C8B: variants seen among roughly 807,000 people sequenced by gnomAD.
C8B encodes the protein complement component C8 beta chain.
C8B carries 67 observed loss-of-function variants against 64.6 expected under a neutral mutation model. The ratio of observed to expected loss-of-function variants is 1.04; its 90% CI spans 0.85 to 1.27. The LOEUF (loss-of-function observed/expected upper bound fraction) is 1.27. Among genes scored for constraint, C8B ranks in the 50% most tolerant of loss-of-function variants. The pLI is 0.00. For missense variants in C8B, 790 were observed against 725.2 expected (o/e 1.09, Z -1.03); for synonymous variants, 284 against 257.7 (o/e 1.10, Z -0.98).
chr1:56,931,724 G>T, intron 11 of C8B, 86 bp downstream of exon 11: 2 of 874,350 alleles, frequency 2.3e-6, no homozygotes, highest in Non-Finnish European at 3.8e-6. Flanking sequence ...CTAGTATCCA[G>T]CCCCACACTC....
At chr1:56,932,452 C>G (rs1379744092) in intron 10 of C8B, among the ~76,000 whole-genome samples, 1 of 152,212 alleles carries the variant, frequency 6.6e-6, no homozygotes, top group Admixed American at 6.5e-5. Flanking sequence ...CACCTTCACT[C>G]TATAGCCTCA....
At chr1:56,935,437 C>T (rs9661996) in intron 9 of C8B, among the ~76,000 whole-genome samples, 9 of 152,036 alleles carry the variant, frequency 5.9e-5, no homozygotes, top group Non-Finnish European at 1.3e-4. Context: ...CCCAAATACA[C>T]AGTTCTAACC....
At chr1:56,936,863 G>A (rs563751108) in intron 9 of C8B, among the ~76,000 whole-genome samples, 4 of 152,070 alleles carry the variant, frequency 2.6e-5, no homozygotes, top group Admixed American at 2.6e-4. Context: ...ACAGTGCTGG[G>A]ATTACAGGTG....
chr1:56,955,823 G>A (rs1039422514), intron 3 of C8B, among the ~76,000 whole-genome samples: 1 of 152,172 alleles, frequency 6.6e-6, no homozygotes, highest in Non-Finnish European at 1.5e-5. Context: ...GTCCACATGG[G>A]TACAGTAAAT....
intron 4 of C8B, among the ~76,000 whole-genome samples, chr1:56,954,403 C>T (rs142321498): frequency 6.6e-6 from 1 of 152,316 alleles, no homozygotes; most frequent in African/African-American, 2.4e-5. Context: ...CCCTCCCTAC[C>T]CCAGCCCTTG....
intron 9 of C8B, among the ~76,000 whole-genome samples, chr1:56,936,410 A>G (rs1221540440): frequency 4.0e-5 from 6 of 151,854 alleles, no homozygotes; most frequent in East Asian, 1.9e-4. Flanking sequence ...GAAGTTAAAC[A>G]TTTTGCATCT....
chr1:56,954,857 C>G, intron 3 of C8B, 30 bp from the exon 4 acceptor site: 1 of 1,614,020 alleles, frequency 6.2e-7, no homozygotes, highest in African/African-American at 1.3e-5. Flanking sequence ...TTACCCACAG[C>G]CACATGGTTG....
At chr1:56,953,129 G>T (rs1353653361) in intron 4 of C8B, among the ~76,000 whole-genome samples, 3 of 152,166 alleles carry the variant, frequency 2.0e-5, no homozygotes, top group African/African-American at 4.8e-5. Context: ...GAGAGGAAAA[G>T]AATCCAGCCC....
rs1464607277 is a variant in C8B at position 56,933,350 on chromosome 1, C to A, written c.1537G>T (p.Val513Phe). ...CHCAPCQGNG[V>F]PVLKGSRCDC... ...AAAGTGGTACCTTTCAGGACAGGGA[C>A]TCCATTTCCTTGGCAGGGAGCACAG... The change falls in exon 10 of 12, where the codon GTC (valine) becomes TTC (phenylalanine). Residue 513 changes from valine (V) to phenylalanine (F), a missense_variant. Physicochemically the swap from Val to Phe is conservative, Grantham distance 50 (BLOSUM62 -1). Coordinates refer to ENST00000371237, the MANE Select transcript of C8B (RefSeq NM_000066.4). The A allele has an allele frequency of 6.2e-7, 1 of 1,613,800 alleles. No individual in the cohort carries two copies. Among genetic ancestry groups the A allele is most frequent in the Non-Finnish European group, 8.5e-7 (1 of 1,179,716 alleles).
At chr1:56,964,234 C>A (rs1354064255) in intron 1 of C8B, among the ~76,000 whole-genome samples, 1 of 152,194 alleles carries the variant, frequency 6.6e-6, no homozygotes, top group East Asian at 1.9e-4. Flanking sequence ...CCACTCCCTA[C>A]CTCAGAGTGA....
chr1:56,954,910 A>G, intron 3 of C8B, 83 bp from the exon 4 acceptor site: 1 of 1,537,682 alleles, frequency 6.5e-7, no homozygotes. Flanking sequence ...ACCAAGTGCC[A>G]GACCTTTTGT....
chr1:56,944,157 CTG>C (rs1644908108), intron 7 of C8B, among the ~76,000 whole-genome samples: 1 of 152,170 alleles, frequency 6.6e-6, no homozygotes, highest in Admixed American at 6.5e-5. Context: ...AGTACAGTGA[CTG>C]TTACAATCTG....
At chr1:56,945,276 C>T (rs1644924612) in intron 7 of C8B, among the ~76,000 whole-genome samples, 1 of 152,032 alleles carries the variant, frequency 6.6e-6, no homozygotes, top group Admixed American at 6.6e-5. Context: ...GGAGGTAGAG[C>T]TGATGGATTT....
chr1:56,946,642 C>T (rs893208403), intron 6 of C8B, among the ~76,000 whole-genome samples: 1 of 152,178 alleles, frequency 6.6e-6, no homozygotes, highest in African/African-American at 2.4e-5. Flanking sequence ...GCAACAGAGA[C>T]CTTGCAGTCT....
In C8B at chr1:56,929,366, G is replaced by A. The variant is rs779701690; in HGVS notation, c.*38C>T. ...GCTGGCATGAGTTCTTGAGGGCTCAGGGCTCTCATTGTATGTAGCCCACTG... is the reference window on the plus strand; with the variant it reads ...GCTGGCATGAGTTCTTGAGGGCTCAAGGCTCTCATTGTATGTAGCCCACTG... On this transcript the variant is annotated 3_prime_UTR_variant, in exon 12 of 12. Transcript: ENST00000371237. The A allele has an allele frequency of 6.2e-7, 1 of 1,610,472 alleles. No individual in the cohort carries two copies. The highest frequency in any genetic ancestry group is 8.5e-7 in the Non-Finnish European group (1 of 1,178,494).
Position 56,943,861 on chromosome 1 carries a change from G to A in C8B, c.1106-37C>T, listed in dbSNP as rs1275185190. On this transcript the variant is annotated intron_variant, in intron 7 of 11. Coordinates refer to ENST00000371237, the MANE Select transcript of C8B (RefSeq NM_000066.4). Reference sequence around the variant, plus strand: ...AAGGAAAAAGGTCCATGACGTAAAAGGTAGTTCACTCTGTCCCTTTTCCTA... The same window carrying A: ...AAGGAAAAAGGTCCATGACGTAAAAAGTAGTTCACTCTGTCCCTTTTCCTA... 5.4e-5 allele frequency: 87 copies of A among 1,611,640 alleles called. No individual in the cohort carries two copies. The East Asian group carries it at 1.9e-3, about 34-fold the overall frequency.
chr1:56,948,479 T>G (rs972909482), intron 6 of C8B, among the ~76,000 whole-genome samples: 2 of 152,040 alleles, frequency 1.3e-5, no homozygotes, highest in African/African-American at 4.8e-5. Flanking sequence ...GAAGAAGACA[T>G]TGCCTTGGAG....
At position 56,966,007 on chromosome 1, in the gene C8B, G is replaced by T. The variant is rs551521035; in HGVS notation, c.-59C>A. 1.2e-6 allele frequency: 2 copies of T among 1,611,866 alleles called. No individual in the cohort carries two copies. The highest frequency in any genetic ancestry group is 3.3e-5 in the Admixed American group (2 of 59,966). ...GCTAGACCCATAACAAGCCTGTGCT[G>T]TGAGTGCCACTGTCAGCTTCTGTCC... On this transcript the variant is annotated 5_prime_UTR_variant, in exon 1 of 12. Transcript: ENST00000371237.
chr1:56,965,956 A>T lies in C8B; in HGVS notation c.-8T>A. Reference sequence around the variant, plus strand: ...TGTCCTGGAATTCTTCATTTTCCCAATGTGACAGGAGATGCCACAGAGGCT... The same window carrying T: ...TGTCCTGGAATTCTTCATTTTCCCATTGTGACAGGAGATGCCACAGAGGCT... On this transcript the variant is annotated 5_prime_UTR_variant, in exon 1 of 12. In the 5' UTR this introduces an upstream ATG that the reference lacks. Transcript: ENST00000371237. 1.9e-6 allele frequency: 3 copies of T among 1,613,604 alleles called. No homozygotes were observed. Among genetic ancestry groups the T allele is most frequent in the Non-Finnish European group, 2.5e-6 (3 of 1,179,956 alleles).
Sources: gnomAD v4.1 joint callset for allele counts (sites outside exome capture counted in the v4.1 genomes callset) on GRCh38, gnomAD v4.1.1 for gene constraint, MANE v1.5 for transcripts, NCBI Gene and HGNC (gene_info 2026-07-23, HGNC 2026-07-21) for gene names.